Variants in HECW2 observed in about 807,000 individuals in gnomAD.
HECW2 encodes the protein E3 ubiquitin-protein ligase HECW2.
HECW2 carries 61 observed loss-of-function variants against 175.2 expected under a neutral mutation model. The observed-to-expected ratio is 0.35, with a 90% confidence interval of 0.28 to 0.43. The LOEUF is 0.43. Among genes scored for constraint, HECW2 ranks in the 20% least tolerant of loss-of-function variants. HECW2 has a pLI of 1.00. For synonymous variants in HECW2, 671 were observed against 731.0 expected (o/e 0.92, Z 1.32); for missense variants, 1,524 against 2,000.5 (o/e 0.76, Z 4.54).
intron 21 of HECW2, among the ~76,000 whole-genome samples, chr2:196,232,898 A>T (rs1042484120): frequency 5.9e-5 from 9 of 152,254 alleles, no homozygotes; most frequent in African/African-American, 2.2e-4. Flanking sequence ...TTATCTGCTG[A>T]CTTTTAACTC....
Position 196,248,593 on chromosome 2 carries a change from G to GACAC in HECW2, c.3529+5326_3529+5327insGTGT, listed in dbSNP as rs1433125391. On this transcript the variant is annotated intron_variant, in intron 19 of 28. Coordinates refer to ENST00000644978, the MANE Select transcript of HECW2 (RefSeq NM_001348768.2). ...GGGACAGATGAGAGAGAGAGAGACAGACAGACACACACACACACACACACA... is the reference window on the plus strand; with the variant it reads ...GGGACAGATGAGAGAGAGAGAGACAGACACACAGACACACACACACACACACACA... 8.4e-5 allele frequency among the ~76,000 whole-genome samples: 7 copies of GACAC among 83,664 alleles called. No individual in the cohort carries two copies. In the East Asian group the frequency reaches 1.4e-3, roughly 16 times the overall value. The allele number at this position is 83,664 out of a possible 152,430, so 54.9% of individuals were successfully genotyped here.
Position 196,529,443 on chromosome 2 carries a change from G to A in HECW2, c.-36+64065C>T, listed in dbSNP as rs549710650. The stretch of plus-strand genomic sequence containing the variant: ...CACCACTAATTCTCTTTGTGATCTC[G>A]GGCAAGTCACAACCCACCTGAACCT... On this transcript the variant is annotated intron_variant, in intron 1 of 28. Transcript: ENST00000644978. 8.5e-5 allele frequency among the ~76,000 whole-genome samples: 13 copies of A among 152,120 alleles called. No homozygotes were observed. In the East Asian group the frequency reaches 2.3e-3, roughly 27 times the overall value.
chr2:196,237,091 A>C (rs1400572468), intron 21 of HECW2, among the ~76,000 whole-genome samples: 1 of 152,112 alleles, frequency 6.6e-6, no homozygotes, highest in Non-Finnish European at 1.5e-5. Context: ...TCATGTGCCT[A>C]CCCCAGACCT....
At position 196,194,844 on chromosome 2, in the gene HECW2, G is replaced by T. The variant is rs1686635751; in HGVS notation, c.*6433C>A. 1 of 152,034 alleles carries T rather than the reference G, an allele frequency of 6.6e-6. No individual in the cohort carries two copies. 9.4% of individuals were successfully genotyped at this position (152,034 alleles called of 1,614,324 possible). ...ACTGTGTGGTGAACGTAATGACTGAGGTTGGTGAAGAGAAATTAAAAGCTT... is the reference window on the plus strand; with the variant it reads ...ACTGTGTGGTGAACGTAATGACTGATGTTGGTGAAGAGAAATTAAAAGCTT... On this transcript the variant is annotated 3_prime_UTR_variant, in exon 29 of 29. Transcript: ENST00000644978.
chr2:196,272,501 C>T (rs919295086), intron 16 of HECW2, among the ~76,000 whole-genome samples: 5 of 152,120 alleles, frequency 3.3e-5, no homozygotes, highest in African/African-American at 9.7e-5. Flanking sequence ...AATTCTTAAA[C>T]ATCAGAGATT....
In HECW2 at chr2:196,216,989, T is replaced by C; in HGVS notation, c.4494+19A>G. On this transcript the variant is annotated intron_variant, in intron 27 of 28. Coordinates refer to ENST00000644978, the MANE Select transcript of HECW2 (RefSeq NM_001348768.2). ...TAATCATATTGATACATTTAAAAGA[T>C]TAAATAATGGCATCTCACCTGTAAC... 2 of 1,459,894 alleles carry C rather than the reference T, an allele frequency of 1.4e-6. No individual in the cohort carries two copies. The highest frequency in any genetic ancestry group is 1.8e-6 in the Non-Finnish European group (2 of 1,097,636). The allele number at this position is 1,459,894 out of a possible 1,614,324, so 90.4% of individuals were successfully genotyped here.
At chr2:196,576,957 A>G (rs1476017098) in intron 1 of HECW2, among the ~76,000 whole-genome samples, 1 of 152,230 alleles carries the variant, frequency 6.6e-6, no homozygotes, top group African/African-American at 2.4e-5. Context: ...TAAGAATAAA[A>G]ATGTTTTCCA....
chr2:196,422,326 A>G (rs1695428539), intron 2 of HECW2, among the ~76,000 whole-genome samples: 1 of 152,132 alleles, frequency 6.6e-6, no homozygotes, highest in African/African-American at 2.4e-5. Flanking sequence ...GTTAGACAAA[A>G]TTTTGCTACC....
chr2:196,255,400 C>T (rs1471979232), intron 18 of HECW2, among the ~76,000 whole-genome samples: 1 of 151,736 alleles, frequency 6.6e-6, no homozygotes, highest in Non-Finnish European at 1.5e-5. Flanking sequence ...ATTTATGTAG[C>T]CAAATTTATC....
At chr2:196,491,982 T>C (rs758397543) in intron 1 of HECW2, among the ~76,000 whole-genome samples, 24 of 152,148 alleles carry the variant, frequency 1.6e-4, no homozygotes, top group Non-Finnish European at 2.8e-4. Context: ...AGAGAAACAA[T>C]TTTGTAAAAA....
Position 196,257,705 on chromosome 2 carries a change from G to T in HECW2, c.3419+118C>A, listed in dbSNP as rs921801888. 21 of 705,780 alleles carry T rather than the reference G, an allele frequency of 3.0e-5. 1 individual carries two copies. In the South Asian group the frequency reaches 3.9e-4, roughly 13 times the overall value. 43.7% of individuals were successfully genotyped at this position (705,780 alleles called of 1,614,324 possible). On this transcript the variant is annotated intron_variant, in intron 18 of 28. Transcript: ENST00000644978. ...CTAAATCTTCAAAATATTTCCACAA[G>T]TCTAAAGAATAAGAACAATTTTTAG...
intron 21 of HECW2, among the ~76,000 whole-genome samples, chr2:196,228,485 C>T (rs1687932961): frequency 6.6e-6 from 1 of 152,126 alleles, no homozygotes. Context: ...AGCCACACAT[C>T]ATACAACAGG....
At chr2:196,293,832 T>C (rs908505135) in intron 13 of HECW2, among the ~76,000 whole-genome samples, 1 of 152,152 alleles carries the variant, frequency 6.6e-6, no homozygotes, top group Non-Finnish European at 1.5e-5. Context: ...AAGGGCCAAG[T>C]TGCATGGAAA....
chr2:196,491,869 T>C (rs567824036), intron 1 of HECW2, among the ~76,000 whole-genome samples: 25 of 152,274 alleles, frequency 1.6e-4, no homozygotes, highest in African/African-American at 5.5e-4. Flanking sequence ...TCCAAGTACA[T>C]GATTGGCTTC....
At chr2:196,210,758 T>A (rs1465128825) in intron 28 of HECW2, among the ~76,000 whole-genome samples, 1 of 150,168 alleles carries the variant, frequency 6.7e-6, no homozygotes, top group Admixed American at 6.6e-5. Context: ...GGATTACAGG[T>A]GCACACCACC....
chr2:196,512,288 GCAAA>G (rs1306519180), intron 1 of HECW2, among the ~76,000 whole-genome samples: 1 of 152,152 alleles, frequency 6.6e-6, no homozygotes, highest in Non-Finnish European at 1.5e-5. Flanking sequence ...ACTATACGGG[GCAAA>G]TAAAGCAAAT....
chr2:196,491,807 G>A (rs1218947486), intron 1 of HECW2, among the ~76,000 whole-genome samples: 4 of 151,546 alleles, frequency 2.6e-5, no homozygotes, highest in East Asian at 1.9e-4. Context: ...AATCTCTTCC[G>A]TATTATAATT....
intron 1 of HECW2, among the ~76,000 whole-genome samples, chr2:196,457,728 G>C (rs1696569700): frequency 6.6e-6 from 1 of 152,108 alleles, no homozygotes. Context: ...TACAAATTTT[G>C]TAAGTCTGTG....
At chr2:196,370,260 C>T (rs1249427645) in intron 2 of HECW2, among the ~76,000 whole-genome samples, 3 of 152,130 alleles carry the variant, frequency 2.0e-5, no homozygotes, top group Admixed American at 1.3e-4. Context: ...AGGTCTGAGT[C>T]CTTCCCTTCA....
Sources: gnomAD v4.1 joint callset for allele counts (sites outside exome capture counted in the v4.1 genomes callset) on GRCh38, gnomAD v4.1.1 for gene constraint, MANE v1.5 for transcripts, NCBI Gene and HGNC (gene_info 2026-07-23, HGNC 2026-07-21) for gene names.